The following POLH variants were observed in gnomAD, a reference collection of about 807,000 sequenced individuals.
The protein encoded by POLH is DNA polymerase eta.
A neutral mutation model predicts 73.6 loss-of-function variants in POLH; 53 were observed. That is an observed-to-expected ratio of 0.72 (90% CI 0.58 to 0.91). POLH has a LOEUF of 0.91. Ranked by LOEUF, POLH falls within the 40% of genes least tolerant of loss-of-function variation. The pLI, the probability that POLH is intolerant of heterozygous loss-of-function variation, is 0.00. For synonymous variants in POLH, 292 were observed against 308.5 expected (o/e 0.95, Z 0.56); for missense variants, 768 against 865.4 (o/e 0.89, Z 1.41).
At chr6:43,579,896 ATCTT>A (rs965981788) in intron 1 of POLH, among the ~76,000 whole-genome samples, 5 of 148,558 alleles carry the variant, frequency 3.4e-5, no homozygotes, top group East Asian at 1.9e-4. Context: ...GAGTGAAAGA[ATCTT>A]TTTTTTTTTT....
intron 5 of POLH, among the ~76,000 whole-genome samples, chr6:43,600,608 A>G (rs1766632814): frequency 6.6e-6 from 1 of 152,224 alleles, no homozygotes; most frequent in Non-Finnish European, 1.5e-5. Context: ...GGGATAGGGT[A>G]AAACAAGTAT....
At position 43,581,292 on chromosome 6, in the gene POLH, G is replaced by A. The variant is rs1239455082; in HGVS notation, c.-4-1024G>A. ...CAGAGGCGCTCCCCACATCTCAGACGATGGGCGGGCGGGCAGAGACGCTCC... is the reference window on the plus strand; with the variant it reads ...CAGAGGCGCTCCCCACATCTCAGACAATGGGCGGGCGGGCAGAGACGCTCC... On this transcript the variant is annotated intron_variant, in intron 1 of 10. Coordinates refer to ENST00000372236, the MANE Select transcript of POLH (RefSeq NM_006502.3). Among the ~76,000 whole-genome samples, 4 of 148,186 alleles carry A rather than the reference G, an allele frequency of 2.7e-5. No individual in the cohort carries two copies. The East Asian group carries it at 6.1e-4, about 23-fold the overall frequency.
chr6:43,608,333 C>T (rs1352766138), intron 9 of POLH, among the ~76,000 whole-genome samples: 1 of 152,186 alleles, frequency 6.6e-6, no homozygotes, highest in South Asian at 2.1e-4. Flanking sequence ...TACAAGTCAA[C>T]TGTACATGTC....
At chr6:43,584,224 A>C (rs1463349888) in intron 3 of POLH, among the ~76,000 whole-genome samples, 1 of 152,180 alleles carries the variant, frequency 6.6e-6, no homozygotes, top group Non-Finnish European at 1.5e-5. Flanking sequence ...CTATGTTCTC[A>C]AGGTACACTA....
Position 43,617,500 on chromosome 6 carries a change from G to A in POLH, c.*2943G>A, listed in dbSNP as rs1287131440. Among the ~76,000 whole-genome samples the A allele has an allele frequency of 1.3e-5, 2 of 152,012 alleles. No homozygotes were observed. The highest frequency in any genetic ancestry group is 4.8e-5 in the African/African-American group (2 of 41,376). On this transcript the variant is annotated 3_prime_UTR_variant, in exon 11 of 11. Coordinates refer to ENST00000372236, the MANE Select transcript of POLH (RefSeq NM_006502.3). ...AAATTAGGTGTGTGTGGTGACGCAT[G>A]CGTGTAATCCCAGCTACTTAGGAGG...
At chr6:43,579,527 C>G (rs1443540359) in intron 1 of POLH, among the ~76,000 whole-genome samples, 1 of 152,186 alleles carries the variant, frequency 6.6e-6, no homozygotes, top group Non-Finnish European at 1.5e-5. Flanking sequence ...CCATGTGTAT[C>G]TCTTCATCTG....
rs73426798 is a variant in POLH, at chr6:43,578,921, A to T, written c.-5+2481A>T. Among the ~76,000 whole-genome samples the T allele has an allele frequency of 3.2e-3, 489 of 152,220 alleles. 2 individuals are homozygous for T. The highest frequency in any genetic ancestry group is 0.011 in the African/African-American group (459 of 41,542). On this transcript the variant is annotated intron_variant, in intron 1 of 10. Coordinates refer to ENST00000372236, the MANE Select transcript of POLH (RefSeq NM_006502.3). ...GATGGTGAGCCTATTTTTATGTGCCAATTGGCTATGTTTGTATTTTGTGGT... is the reference window on the plus strand; with the variant it reads ...GATGGTGAGCCTATTTTTATGTGCCTATTGGCTATGTTTGTATTTTGTGGT...
intron 4 of POLH, among the ~76,000 whole-genome samples, chr6:43,596,985 A>T (rs182702933): frequency 2.4e-4 from 36 of 152,336 alleles, no homozygotes; most frequent in Admixed American, 5.9e-4. Context: ...CTTATATTGA[A>T]GCTTGAGTTA....
intron 1 of POLH, among the ~76,000 whole-genome samples, chr6:43,580,655 C>T (rs1424353630): frequency 3.5e-4 from 47 of 135,262 alleles, no homozygotes; most frequent in Non-Finnish European, 6.0e-4. Context: ...GGCGGCTGGC[C>T]GGGCAGGGGG....
chr6:43,614,663 A>G lies in POLH; in HGVS notation c.*106A>G. Reference sequence around the variant, plus strand: ...TTTCCCTGAGAAAGGGAATTATGAAATTTTTAATACAAAAAATAATCCATT... The same window carrying G: ...TTTCCCTGAGAAAGGGAATTATGAAGTTTTTAATACAAAAAATAATCCATT... On this transcript the variant is annotated 3_prime_UTR_variant, in exon 11 of 11. Transcript: ENST00000372236. The G allele has an allele frequency of 9.7e-7, 1 of 1,032,172 alleles. No homozygotes were observed. Among genetic ancestry groups the G allele is most frequent in the Non-Finnish European group, 1.4e-6 (1 of 709,206 alleles). 63.9% of individuals were successfully genotyped at this position (1,032,172 alleles called of 1,614,324 possible). A position where few individuals can be genotyped will look rare whatever the true frequency, so the allele number is the denominator to read the frequency against.
chr6:43,598,515 A>G (rs1031798588), intron 5 of POLH, among the ~76,000 whole-genome samples: 2 of 151,824 alleles, frequency 1.3e-5, no homozygotes, highest in Non-Finnish European at 2.9e-5. Flanking sequence ...TGCACCTGCA[A>G]TCCCAGCTAC....
In POLH at chr6:43,616,920, T is replaced by C. The variant is rs1197697692; in HGVS notation, c.*2363T>C. Reference sequence around the variant, plus strand: ...CATAATCAAATCTTGCCAGGCGTGGTGGTTTATGCCTGTTATCCCAGCACT... The same window carrying C: ...CATAATCAAATCTTGCCAGGCGTGGCGGTTTATGCCTGTTATCCCAGCACT... On this transcript the variant is annotated 3_prime_UTR_variant, in exon 11 of 11. Transcript: ENST00000372236. 6.6e-6 allele frequency among the ~76,000 whole-genome samples: 1 copy of C among 152,270 alleles called. No homozygotes were observed. Among genetic ancestry groups the C allele is most frequent in the Non-Finnish European group, 1.5e-5 (1 of 68,046 alleles).
chr6:43,593,874 G>A (rs1273582483), intron 4 of POLH, among the ~76,000 whole-genome samples: 7 of 109,138 alleles, frequency 6.4e-5, no homozygotes, highest in Admixed American at 3.1e-4. Context: ...GTGAGACTCC[G>A]TCTCAAAAAA....
intron 9 of POLH, among the ~76,000 whole-genome samples, chr6:43,607,008 T>C (rs1767375966): frequency 6.6e-6 from 1 of 152,246 alleles, no homozygotes; most frequent in Non-Finnish European, 1.5e-5. Context: ...TATGTGGTCT[T>C]TTGTGACTGG....
chr6:43,607,426 C>G (rs1193261333), intron 9 of POLH, among the ~76,000 whole-genome samples: 1 of 152,122 alleles, frequency 6.6e-6, no homozygotes, highest in Non-Finnish European at 1.5e-5. Context: ...GAATAATATT[C>G]TATTGTATTA....
rs145466144 is a variant in POLH, at chr6:43,613,806, A to G, written c.1391A>G (p.Gln464Arg). 1.9e-6 allele frequency: 3 copies of G among 1,614,198 alleles called. No individual in the cohort carries two copies. The highest frequency in any genetic ancestry group is 1.3e-5 in the African/African-American group (1 of 75,050). Residue 464 changes from glutamine to arginine, a missense_variant, in exon 11 of 11, where the codon CAG (glutamine) becomes CGG (arginine). Physicochemically the swap from Gln to Arg is conservative, Grantham distance 43. Coordinates refer to ENST00000372236, the MANE Select transcript of POLH (RefSeq NM_006502.3). ...VPVTSSEAKT[Q>R]GSGPAVTATK... is the part of the protein sequence containing the mutation. ...GTTACCAGCTCAGAAGCTAAGACCC[A>G]GGGAAGTGGCCCAGCGGTGACAGCC...
intron 4 of POLH, among the ~76,000 whole-genome samples, chr6:43,596,315 C>CT (rs1766046981): frequency 6.6e-6 from 1 of 152,090 alleles, no homozygotes; most frequent in African/African-American, 2.4e-5. Flanking sequence ...AACCCCATCT[C>CT]TACTAAAAAT....
At chr6:43,581,888 G>C (rs913081643) in intron 1 of POLH, among the ~76,000 whole-genome samples, 18 of 147,124 alleles carry the variant, frequency 1.2e-4, no homozygotes, top group Non-Finnish European at 2.0e-4. Flanking sequence ...TAGGGCCTCC[G>C]GCGCCGCGAC....
At chr6:43,607,384 C>T (rs1057490505) in intron 9 of POLH, among the ~76,000 whole-genome samples, 2 of 152,210 alleles carry the variant, frequency 1.3e-5, no homozygotes, top group Admixed American at 6.5e-5. Context: ...TGAGCCACTG[C>T]GCCCGGCCAG....
Sources: gnomAD v4.1 joint callset for allele counts (sites outside exome capture counted in the v4.1 genomes callset) on GRCh38, gnomAD v4.1.1 for gene constraint, MANE v1.5 for transcripts, NCBI Gene and HGNC (gene_info 2026-07-23, HGNC 2026-07-21) for gene names.